Variants in GPC3 observed in about 807,000 individuals in gnomAD.
GPC3 encodes glypican 3.
GPC3 carries 3 observed loss-of-function variants against 34.4 expected under a neutral mutation model. The ratio of observed to expected loss-of-function variants is 0.09; its 90% CI spans 0.04 to 0.23. The LOEUF (loss-of-function observed/expected upper bound fraction) is 0.23. Among genes scored for constraint, GPC3 ranks in the 10% least tolerant of loss-of-function variants. The pLI is 1.00. For synonymous variants in GPC3, 177 were observed against 174.0 expected (o/e 1.02, Z -0.13); for missense variants, 351 against 445.6 (o/e 0.79, Z 1.91).
chrX:133,950,288 A>G (rs2076386512), intron 2 of GPC3, among the ~76,000 whole-genome samples: 1 of 112,156 alleles, frequency 8.9e-6, no homozygotes, highest in South Asian at 3.8e-4. Context: ...AGAGCACTCC[A>G]ACCACTGTAG....
At chrX:133,853,099 G>A (rs758858735) in intron 2 of GPC3, among the ~76,000 whole-genome samples, 3 of 107,160 alleles carry the variant, frequency 2.8e-5, no homozygotes, top group African/African-American at 1.0e-4. Context: ...TTTGAAATTA[G>A]ACAGACATGA....
chrX:133,927,663 A>C (rs1273657927), intron 2 of GPC3, among the ~76,000 whole-genome samples: 1 of 108,806 alleles, frequency 9.2e-6, no homozygotes, highest in Non-Finnish European at 1.9e-5. Context: ...TTTTTTGTAG[A>C]GACAGGGTCT....
intron 6 of GPC3, among the ~76,000 whole-genome samples, chrX:133,612,758 T>C (rs990721753): frequency 3.6e-5 from 4 of 112,542 alleles, no homozygotes; most frequent in Non-Finnish European, 7.5e-5. Context: ...TATGAGGAAA[T>C]AATTTAGCAC....
At chrX:133,546,047 T>TAAAGG (rs2069383381) in intron 7 of GPC3, among the ~76,000 whole-genome samples, 1 of 112,004 alleles carries the variant, frequency 8.9e-6, no homozygotes, top group Non-Finnish European at 1.9e-5. Flanking sequence ...CTGATAGGAC[T>TAAAGG]TTAACTACTT....
At chrX:133,780,537 G>GT (rs2072035629) in intron 2 of GPC3, among the ~76,000 whole-genome samples, 1 of 111,466 alleles carries the variant, frequency 9.0e-6, no homozygotes, top group Non-Finnish European at 1.9e-5. Flanking sequence ...TGGGAAGCCT[G>GT]GACCTGAGCT....
chrX:133,818,026 A>G (rs2075700780), intron 2 of GPC3, among the ~76,000 whole-genome samples: 1 of 111,435 alleles, frequency 9.0e-6, no homozygotes, highest in South Asian at 3.8e-4. Context: ...TGACAATTCA[A>G]TCATGTCAAG....
intron 2 of GPC3, among the ~76,000 whole-genome samples, chrX:133,826,098 C>T (rs1355639581): frequency 1.8e-5 from 2 of 111,504 alleles, no homozygotes; most frequent in East Asian, 5.6e-4. Flanking sequence ...ATTTAAAACG[C>T]CCAATTTTTA....
chrX:133,602,985 G>GT (rs2070002367), intron 6 of GPC3, among the ~76,000 whole-genome samples: 2 of 110,670 alleles, frequency 1.8e-5, no homozygotes, highest in Non-Finnish European at 3.8e-5. Flanking sequence ...AGAAACATAA[G>GT]TTTTTTCGTG....
chrX:133,934,015 C>T (rs1164123303), intron 2 of GPC3, among the ~76,000 whole-genome samples: 1 of 104,177 alleles, frequency 9.6e-6, no homozygotes, highest in Admixed American at 1.0e-4. Context: ...CAGGCGTGTG[C>T]CACCATGCCC....
rs148649865 is a variant in GPC3, at chrX:133,552,641, A to G, written c.1574-16348T>C. 4.8e-3 allele frequency among the ~76,000 whole-genome samples: 542 copies of G among 112,106 alleles called. 6 individuals carry two copies. Among genetic ancestry groups the G allele is most frequent in the African/African-American group, 0.016 (506 of 30,927 alleles). On this transcript the variant is annotated intron_variant, in intron 7 of 7. Transcript: ENST00000370818. ...GCCTATGGAGAAGATGGAGCAACCAACTCAGCAATTGTTTACATTGAATTT... is the reference window on the plus strand; with the variant it reads ...GCCTATGGAGAAGATGGAGCAACCAGCTCAGCAATTGTTTACATTGAATTT...
chrX:133,627,942 C>T (rs1232340059), intron 6 of GPC3, among the ~76,000 whole-genome samples: 5 of 112,062 alleles, frequency 4.5e-5, no homozygotes, highest in Non-Finnish European at 9.4e-5. Context: ...TACAAAGAGC[C>T]GCTTACAAGA....
rs757154247 is a variant in GPC3, at chrX:133,964,267, T to C, written c.176-11056A>G. On this transcript the variant is annotated intron_variant, in intron 1 of 7. Coordinates refer to ENST00000370818, the MANE Select transcript of GPC3 (RefSeq NM_004484.4). ...GCCTGAATCTAAAAAGGAAGGCTTT[T>C]GCTTCACAGATGTTCTGGCTTCTAA... Among the ~76,000 whole-genome samples, 4 of 112,065 alleles carry C rather than the reference T, an allele frequency of 3.6e-5. No individual in the cohort carries two copies. The South Asian group carries it at 1.1e-3, about 32-fold the overall frequency.
intron 1 of GPC3, among the ~76,000 whole-genome samples, chrX:133,954,838 C>T (rs2076409892): frequency 9.6e-6 from 1 of 104,559 alleles, no homozygotes; most frequent in Admixed American, 1.1e-4. Context: ...ACCTCCACCT[C>T]CCGGGTTCAA....
chrX:133,834,253 G>A (rs2075789641), intron 2 of GPC3, among the ~76,000 whole-genome samples: 1 of 111,517 alleles, frequency 9.0e-6, no homozygotes, highest in Non-Finnish European at 1.9e-5. Context: ...ACTGCACAAG[G>A]GTGGAAATGG....
chrX:133,967,838 G>C (rs1377702019), intron 1 of GPC3, among the ~76,000 whole-genome samples: 1 of 111,895 alleles, frequency 8.9e-6, no homozygotes, highest in African/African-American at 3.3e-5. Flanking sequence ...TTGCCATGTT[G>C]CCCAGGCTGG....
chrX:133,927,865 CAT>C (rs886234041), intron 2 of GPC3, among the ~76,000 whole-genome samples: 14 of 106,132 alleles, frequency 1.3e-4, no homozygotes, highest in Non-Finnish European at 1.9e-4. Context: ...AATAAATATA[CAT>C]ATATATATAT....
At chrX:133,536,759 G>A (rs1354262371) in intron 7 of GPC3, among the ~76,000 whole-genome samples, 1 of 111,134 alleles carries the variant, frequency 9.0e-6, no homozygotes, top group Non-Finnish European at 1.9e-5. Context: ...GGTGCTGTGG[G>A]TTCCCAGTGT....
At chrX:133,631,041 T>G (rs1254396677) in intron 6 of GPC3, among the ~76,000 whole-genome samples, 1 of 111,974 alleles carries the variant, frequency 8.9e-6, no homozygotes, top group Non-Finnish European at 1.9e-5. Context: ...CAAACTACAT[T>G]AATTTTGTTT....
chrX:133,692,519 G>A (rs756363234), intron 4 of GPC3, 25 bp from the exon 5 acceptor site: 11 of 1,182,626 alleles, frequency 9.3e-6, no homozygotes, highest in Non-Finnish European at 1.3e-5. Context: ...AAACATCTGT[G>A]CATAAGAGGC....
Sources: allele counts gnomAD v4.1 joint callset (sites outside exome capture counted in the v4.1 genomes callset), GRCh38; gene constraint gnomAD v4.1.1; transcripts MANE v1.5; gene names NCBI Gene and HGNC (gene_info 2026-07-23, HGNC 2026-07-21).